Variants in LARGE1 observed in about 807,000 individuals in gnomAD.
LARGE1 encodes xylosyl- and glucuronyltransferase LARGE1.
A neutral mutation model predicts 87.6 loss-of-function variants in LARGE1; 43 were observed. The observed-to-expected ratio is 0.49, with a 90% CI of 0.38 to 0.63. The LOEUF is 0.63. Among genes scored for constraint, LARGE1 ranks in the 30% least tolerant of loss-of-function variants. LARGE1 has a pLI of 0.00. For synonymous variants in LARGE1, 434 were observed against 394.6 expected, an observed-to-expected ratio of 1.10 and a Z score of -1.18; for missense variants, 802 against 1,000.2, an observed-to-expected ratio of 0.80 and a Z score of 2.67.
At chr22:33,630,353 G>T (rs73398737) in intron 3 of LARGE1, among the ~76,000 whole-genome samples, 2 of 152,150 alleles carry the variant, frequency 1.3e-5, no homozygotes, top group African/African-American at 4.8e-5. Flanking sequence ...TAACAACACA[G>T]ATATCTTCTG....
chr22:33,748,134 TG>T (rs547986725), intron 2 of LARGE1, among the ~76,000 whole-genome samples: 11 of 134,806 alleles, frequency 8.2e-5, no homozygotes, highest in South Asian at 2.2e-4. Context: ...AATGCAGGTT[TG>T]TTTTTTTTTT....
intron 5 of LARGE1, among the ~76,000 whole-genome samples, chr22:33,584,748 T>C (rs1243004072): frequency 6.6e-6 from 1 of 151,800 alleles, no homozygotes; most frequent in East Asian, 1.9e-4. Flanking sequence ...TTTCCCCACA[T>C]ACGTACTGGG....
chr22:33,138,050 C>T, the LARGE1 span, among the ~76,000 whole-genome samples: 2 of 152,180 alleles, frequency 1.3e-5, no homozygotes, highest in South Asian at 2.1e-4. Context: ...CCACTGACAG[C>T]TTGCAGCATG....
intron 11 of LARGE1, among the ~76,000 whole-genome samples, chr22:33,217,145 G>T (rs932189547): frequency 2.6e-5 from 4 of 151,482 alleles, no homozygotes; most frequent in African/African-American, 4.9e-5. Flanking sequence ...AATATTCATA[G>T]CATCATACAA....
intron 6 of LARGE1, among the ~76,000 whole-genome samples, chr22:33,504,384 C>T (rs966659494): frequency 5.9e-5 from 9 of 152,108 alleles, no homozygotes; most frequent in African/African-American, 1.4e-4. Context: ...CTCAGCCTTC[C>T]GAGTAGCTGG....
In LARGE1 at chr22:33,323,103, C is replaced by G. The variant is rs1169047096; in HGVS notation, c.1288-6855G>C. 3.3e-5 allele frequency among the ~76,000 whole-genome samples: 5 copies of G among 152,170 alleles called. No individual in the cohort carries two copies. In the East Asian group the frequency reaches 9.7e-4, roughly 29 times the overall value. ...CGCCATTGCACTCCAGCCTGGGTGA[C>G]AGAGTGAGGCTCTGTCTCAAAAAAC... On this transcript the variant is annotated intron_variant, in intron 10 of 14. Coordinates refer to ENST00000397394, the MANE Select transcript of LARGE1 (RefSeq NM_133642.5).
the LARGE1 span, among the ~76,000 whole-genome samples, chr22:33,066,913 C>A: frequency 6.6e-6 from 1 of 152,186 alleles, no homozygotes; most frequent in East Asian, 1.9e-4. Flanking sequence ...CACACCGGTA[C>A]CTCCATGCTG....
chr22:33,452,794 T>G (rs2067987905), intron 6 of LARGE1, among the ~76,000 whole-genome samples: 1 of 152,228 alleles, frequency 6.6e-6, no homozygotes, highest in Non-Finnish European at 1.5e-5. Flanking sequence ...TGAAAACAGC[T>G]GAGGCATTTC....
At chr22:33,547,331 C>T (rs556817582) in intron 6 of LARGE1, among the ~76,000 whole-genome samples, 40 of 148,000 alleles carry the variant, frequency 2.7e-4, no homozygotes, top group Non-Finnish European at 5.1e-4. Context: ...CTAGATCCCT[C>T]GCATGCGCAG....
rs145888102 is a variant in LARGE1 at position 33,535,634 on chromosome 22, G to C, written c.787+29214C>G. Among the ~76,000 whole-genome samples the C allele has an allele frequency of 1.9e-3, 285 of 152,200 alleles. 3 individuals are homozygous for C. Among genetic ancestry groups the C allele is most frequent in the African/African-American group, 6.8e-3 (282 of 41,532 alleles). ...GCTGTATAAACTGGAGAAGAGGTAG[G>C]GGTTCTAACTATTTCTTATACAAAC... is the stretch of plus-strand genomic sequence containing the variant. On this transcript the variant is annotated intron_variant, in intron 6 of 14. Coordinates refer to ENST00000397394, the MANE Select transcript of LARGE1 (RefSeq NM_133642.5).
At chr22:33,081,464 C>T in the LARGE1 span, among the ~76,000 whole-genome samples, 1 of 152,072 alleles carries the variant, frequency 6.6e-6, no homozygotes, top group African/African-American at 2.4e-5. Context: ...AGCATGGCAT[C>T]TTTGAGGAAT....
At chr22:33,682,052 C>T (rs1201649767) in intron 2 of LARGE1, among the ~76,000 whole-genome samples, 1 of 152,186 alleles carries the variant, frequency 6.6e-6, no homozygotes, top group African/African-American at 2.4e-5. Context: ...AAATATGAGC[C>T]ATGGTGTGGT....
intron 1 of LARGE1, among the ~76,000 whole-genome samples, chr22:33,847,671 C>T (rs934792769): frequency 6.6e-6 from 1 of 152,182 alleles, no homozygotes; most frequent in Non-Finnish European, 1.5e-5. Context: ...ACAAGGACTC[C>T]ACCAGATGTA....
At chr22:33,364,452 C>T (rs1262976851) in intron 9 of LARGE1, among the ~76,000 whole-genome samples, 4 of 152,246 alleles carry the variant, frequency 2.6e-5, no homozygotes, top group African/African-American at 9.6e-5. Flanking sequence ...TTTTTATGTT[C>T]TTCCCTTGGG....
At chr22:33,449,473 A>T (rs118029748) in intron 6 of LARGE1, among the ~76,000 whole-genome samples, 1 of 152,216 alleles carries the variant, frequency 6.6e-6, no homozygotes, top group African/African-American at 2.4e-5. Context: ...TAGATTATCA[A>T]TGTAGCAGAA....
chr22:33,283,174 C>G, intron 13 of LARGE1, 28 bp downstream of exon 13: 1 of 1,613,704 alleles, frequency 6.2e-7, no homozygotes, highest in South Asian at 1.1e-5. Context: ...TCGAGCACCC[C>G]CAGAGTACAG....
Position 33,384,475 on chromosome 22 carries a change from G to A in LARGE1, c.893-171C>T, listed in dbSNP as rs1195444968. On this transcript the variant is annotated intron_variant, in intron 7 of 14. Coordinates refer to ENST00000397394, the MANE Select transcript of LARGE1 (RefSeq NM_133642.5). Reference sequence around the variant, plus strand: ...TCCCTCTAAAAATTCTTCCAATGAGGCTCCACAGTATGGGGCACCTGTTTT... The same window carrying A: ...TCCCTCTAAAAATTCTTCCAATGAGACTCCACAGTATGGGGCACCTGTTTT... Among the ~76,000 whole-genome samples, 4 of 149,780 alleles carry A rather than the reference G, an allele frequency of 2.7e-5. 1 individual carries two copies. Among genetic ancestry groups the A allele is most frequent in the African/African-American group, 9.7e-5 (4 of 41,204 alleles).
chr22:33,568,453 T>C (rs762845754), intron 5 of LARGE1, among the ~76,000 whole-genome samples: 15 of 152,116 alleles, frequency 9.9e-5, no homozygotes, highest in Non-Finnish European at 8.8e-5. Context: ...GCAAATTAAA[T>C]GAACAACAAC....
At chr22:33,364,641 A>G (rs555591292) in intron 9 of LARGE1, among the ~76,000 whole-genome samples, 1 of 152,316 alleles carries the variant, frequency 6.6e-6, no homozygotes. Context: ...GTTAAATAAT[A>G]CAGTATTTGT....
Sources: allele counts gnomAD v4.1 joint callset (sites outside exome capture counted in the v4.1 genomes callset), GRCh38; gene constraint gnomAD v4.1.1; transcripts MANE v1.5; gene names NCBI Gene and HGNC (gene_info 2026-07-23, HGNC 2026-07-21).